The following SSRP1 variants were observed in gnomAD, a reference collection of about 807,000 sequenced individuals.
SSRP1 encodes the protein structure specific recognition protein 1.
SSRP1 carries 21 observed loss-of-function variants against 84.4 expected under a neutral mutation model. That is an observed-to-expected ratio of 0.25 (90% CI 0.18 to 0.36). The LOEUF is 0.36. SSRP1 is among the 10% of genes least tolerant of loss of function. The probability of loss-of-function intolerance (pLI) is 1.00; values close to 1 mark genes in which losing one functional copy is unlikely to be tolerated. For missense variants in SSRP1, 519 were observed against 900.8 expected, an observed-to-expected ratio of 0.58 and a Z score of 5.43; for synonymous variants, 319 against 318.3, an observed-to-expected ratio of 1.00 and a Z score of -0.02.
At chr11:57,327,967 G>A (rs1359293409) in intron 13 of SSRP1, 85 bp from the exon 14 acceptor site, 14 of 1,506,188 alleles carry the variant, frequency 9.3e-6, no homozygotes, top group Non-Finnish European at 1.3e-5. Context: ...ACTTAACTTG[G>A]AGAAAAAGTG....
At position 57,330,544 on chromosome 11, in the gene SSRP1, G is replaced by A. The variant is rs1856068181; in HGVS notation, c.1297-115C>T. Reference sequence around the variant, plus strand: ...CAGAGCAGCAGCTCCCAGAAGACCTGGGGCTGGATTGTCCACACACAGCCA... The same window carrying A: ...CAGAGCAGCAGCTCCCAGAAGACCTAGGGCTGGATTGTCCACACACAGCCA... On this transcript the variant is annotated intron_variant, in intron 10 of 16. Transcript: ENST00000278412. The surrounding 1 kb of genome is among the most constrained non-coding windows in gnomAD (Gnocchi z 4.0). 1.3e-6 allele frequency: 2 copies of A among 1,502,804 alleles called. No homozygotes were observed. The highest frequency in any genetic ancestry group is 8.9e-7 in the Non-Finnish European group (1 of 1,126,198). The allele number at this position is 1,502,804 out of a possible 1,614,324, so 93.1% of individuals were successfully genotyped here. A position where few individuals can be genotyped will look rare whatever the true frequency, so the allele number is the denominator to read the frequency against.
At position 57,330,692 on chromosome 11, in the gene SSRP1, AG is replaced by A; in HGVS notation, c.1296+162del. 6.8e-7 allele frequency: 1 copy of A among 1,479,226 alleles called. No homozygotes were observed. The highest frequency in any genetic ancestry group is 8.9e-7 in the Non-Finnish European group (1 of 1,118,980). 91.6% of individuals were successfully genotyped at this position (1,479,226 alleles called of 1,614,324 possible). ...TGCATAGACTGGTCTAAGGTCATGC[AG>A]AGGAAACCTGCACCAGGAGGGGGAA... On this transcript the variant is annotated intron_variant, in intron 10 of 16. Transcript: ENST00000278412. The surrounding 1 kb of genome is among the most constrained non-coding windows in gnomAD (Gnocchi z 4.0).
chr11:57,333,554 G>A lies in SSRP1; in HGVS notation c.241-14C>T, dbSNP rs747471505. The stretch of plus-strand genomic sequence containing the variant: ...TTTCTCAAACTCCTGTGGGTGGAGG[G>A]AAGAAAGCACAATCCCAGTAAACCT... On this transcript the variant is annotated splice_polypyrimidine_tract_variant and intron_variant, in intron 3 of 16. Coordinates refer to ENST00000278412, the MANE Select transcript of SSRP1 (RefSeq NM_003146.3). 2 of 1,595,676 alleles carry A rather than the reference G, an allele frequency of 1.3e-6. No individual in the cohort carries two copies. Among genetic ancestry groups the A allele is most frequent in the Non-Finnish European group, 1.7e-6 (2 of 1,163,732 alleles).
In SSRP1 at chr11:57,328,438, C is replaced by T; in HGVS notation, c.1482-12G>A. On this transcript the variant is annotated splice_polypyrimidine_tract_variant and intron_variant, in intron 12 of 16. Coordinates refer to ENST00000278412, the MANE Select transcript of SSRP1 (RefSeq NM_003146.3). ...CGTTGCTGTCAAACCTGCCAGAGAA[C>T]AAGCCAGGCTTAGACTTGAGGAGGG... 6.2e-7 allele frequency: 1 copy of T among 1,613,970 alleles called. No individual in the cohort carries two copies.
chr11:57,327,926 C>T, intron 13 of SSRP1, 44 bp from the exon 14 acceptor site: 3 of 1,589,874 alleles, frequency 1.9e-6, no homozygotes. Flanking sequence ...CCACAGAACC[C>T]ATACATTTTC....
At chr11:57,329,905 A>G in intron 12 of SSRP1, 188 bp downstream of exon 12, 1 of 716,668 alleles carries the variant, frequency 1.4e-6, no homozygotes, top group Non-Finnish European at 2.3e-6. Context: ...TCCGACTTCA[A>G]AATATGTCTT....
intron 4 of SSRP1, 95 bp downstream of exon 4, chr11:57,333,340 G>C (rs1590610783): frequency 1.6e-6 from 2 of 1,222,810 alleles, no homozygotes; most frequent in African/African-American, 1.5e-5. Flanking sequence ...TAGGAAACCA[G>C]AGACAGTGGC....
At position 57,326,416 on chromosome 11, in the gene SSRP1, G is replaced by C. The variant is rs571767759; in HGVS notation, c.2121C>G (p.Ser707=). ...PPSSEDSASG[S]DE is the part of the protein sequence containing the mutation. The stretch of plus-strand genomic sequence containing the variant: ...GAACCTTCCTCCGTTTCTACTCATC[G>C]GATCCTGACGCTGAGTCCTCTGAGC... Residue 707 remains serine (S), a synonymous_variant, in exon 17 of 17, where the codon TCC becomes TCG. Transcript: ENST00000278412. The C allele has an allele frequency of 2.5e-6, 4 of 1,614,148 alleles. No individual in the cohort carries two copies. Among genetic ancestry groups the C allele is most frequent in the Admixed American group, 1.7e-5 (1 of 60,032 alleles).
In SSRP1 at chr11:57,327,711, CCT is replaced by C. The variant is rs1207936690; in HGVS notation, c.1781_1782del (p.Glu594GlyfsTer7). 6.2e-7 allele frequency: 1 copy of C among 1,613,902 alleles called. No individual in the cohort carries two copies. Among genetic ancestry groups the C allele is most frequent in the African/African-American group, 1.3e-5 (1 of 74,920 alleles). On this transcript the variant is annotated frameshift_variant and splice_region_variant, in exon 14 of 17. Coordinates refer to ENST00000278412, the MANE Select transcript of SSRP1 (RefSeq NM_003146.3). LOFTEE classifies it high-confidence loss of function. Reference sequence around the variant, plus strand: ...ATCACCCCTCCTCTGCTGCTACTCACCTCTTTCTTCTCTTTGGACATTCCCTT... The same window carrying C: ...ATCACCCCTCCTCTGCTGCTACTCACCTTTCTTCTCTTTGGACATTCCCTT... ...IWKGMSKEKK[E>X]EWDRKAEDAR... is the part of the protein sequence containing the mutation.
In SSRP1 at chr11:57,334,643, A is replaced by G; in HGVS notation, c.60T>C (p.Asp20=). Residue 20 remains aspartate, a synonymous_variant, in exon 3 of 17, where the codon GAT becomes GAC. Transcript: ENST00000278412. ...VYQEVKGSMN[D]GRLRLSRQGI... ...CCTGACGGCTCAACCTCAGTCGACC[A>G]TCATTCTGTAAGAAAAGCAGGCCCA... 4 of 1,614,072 alleles carry G rather than the reference A, an allele frequency of 2.5e-6. No individual in the cohort carries two copies. Among genetic ancestry groups the G allele is most frequent in the Non-Finnish European group, 3.4e-6 (4 of 1,180,026 alleles).
Position 57,335,278 on chromosome 11 carries a change from G to C in SSRP1, c.-119-38C>G. 1 of 737,974 alleles carries C rather than the reference G, an allele frequency of 1.4e-6. No homozygotes were observed. 45.7% of individuals were successfully genotyped at this position (737,974 alleles called of 1,614,324 possible). A position where few individuals can be genotyped will look rare whatever the true frequency, so the allele number is the denominator to read the frequency against. ...GGAAGACAGATAAGCATGAAAGACA[G>C]CACCTCGCTGTGCTCACGGATGGAG... On this transcript the variant is annotated intron_variant, in intron 1 of 16. Transcript: ENST00000278412. The surrounding 1 kb of genome is among the most constrained non-coding windows in gnomAD (Gnocchi z 4.6).
chr11:57,333,424 C>G lies in SSRP1; in HGVS notation c.346+11G>C. On this transcript the variant is annotated intron_variant, in intron 4 of 16. Transcript: ENST00000278412. ...CTTCCTCCCCAAACCTCAGTCTTCC[C>G]CAGGACTCACCACCAAATTTCACTG... 6.2e-7 allele frequency: 1 copy of G among 1,611,458 alleles called. No homozygotes were observed. Among genetic ancestry groups the G allele is most frequent in the Non-Finnish European group, 8.5e-7 (1 of 1,177,740 alleles).
chr11:57,332,096 G>A lies in SSRP1; in HGVS notation c.1001+56C>T. On this transcript the variant is annotated intron_variant, in intron 8 of 16. Transcript: ENST00000278412. This position sits in a 1 kb window ranked among gnomAD's most constrained non-coding sequence, Gnocchi z 5.5. ...CCCATCTCAGGAAGGGTTTACCAAG[G>A]AGACACGGCATTTCCCATACCCAGG... 1 of 1,610,170 alleles carries A rather than the reference G, an allele frequency of 6.2e-7. No homozygotes were observed. Among genetic ancestry groups the A allele is most frequent in the Non-Finnish European group, 8.5e-7 (1 of 1,179,052 alleles).
In SSRP1 at chr11:57,335,133, C is replaced by A. The variant is rs1430144185; in HGVS notation, c.-12G>T. ...AGTGTCTCTGCCATGTCGACCCCTG[C>A]CTGTGGTGGCCTGGGCAGAGCCCCA... On this transcript the variant is annotated 5_prime_UTR_variant, in exon 2 of 17. Transcript: ENST00000278412. The surrounding 1 kb of genome is among the most constrained non-coding windows in gnomAD (Gnocchi z 4.6). 5 of 1,614,046 alleles carry A rather than the reference C, an allele frequency of 3.1e-6. No homozygotes were observed. The highest frequency in any genetic ancestry group is 2.7e-5 in the African/African-American group (2 of 75,054).
intron 2 of SSRP1, 148 bp from the exon 3 acceptor site, chr11:57,334,796 T>A: frequency 3.0e-6 from 3 of 1,000,810 alleles, no homozygotes; most frequent in Non-Finnish European, 4.4e-6. Flanking sequence ...GGAGTCTAGA[T>A]TCTAAACCAG....
chr11:57,333,662 T>C (rs561238156), intron 3 of SSRP1, 122 bp from the exon 4 acceptor site: 1 of 705,914 alleles, frequency 1.4e-6, no homozygotes, highest in South Asian at 1.8e-5. Context: ...AAGAAATCCA[T>C]GCTGACTTAG....
intron 4 of SSRP1, 114 bp from the exon 5 acceptor site, chr11:57,333,263 CTA>C: frequency 7.9e-7 from 1 of 1,272,954 alleles, no homozygotes; most frequent in Non-Finnish European, 1.1e-6. Context: ...TCTGTTTAGA[CTA>C]TAACCCCAAC....
At position 57,332,318 on chromosome 11, in the gene SSRP1, C is replaced by A; in HGVS notation, c.873-38G>T. On this transcript the variant is annotated intron_variant, in intron 7 of 16. Coordinates refer to ENST00000278412, the MANE Select transcript of SSRP1 (RefSeq NM_003146.3). The surrounding 1 kb of genome is among the most constrained non-coding windows in gnomAD (Gnocchi z 5.5). The stretch of plus-strand genomic sequence containing the variant: ...CAAGGTGAGGTCACAACACTACTGC[C>A]TTCTAATGGCACACCTGTCTCCTGC... 6.2e-7 allele frequency: 1 copy of A among 1,613,960 alleles called. No individual in the cohort carries two copies. Among genetic ancestry groups the A allele is most frequent in the Non-Finnish European group, 8.5e-7 (1 of 1,179,878 alleles).
chr11:57,330,509 C>G lies in SSRP1; in HGVS notation c.1297-80G>C. 6.4e-7 allele frequency: 1 copy of G among 1,574,606 alleles called. No homozygotes were observed. The highest frequency in any genetic ancestry group is 1.3e-5 in the African/African-American group (1 of 74,284). On this transcript the variant is annotated intron_variant, in intron 10 of 16. Coordinates refer to ENST00000278412, the MANE Select transcript of SSRP1 (RefSeq NM_003146.3). This position sits in a 1 kb window ranked among gnomAD's most constrained non-coding sequence, Gnocchi z 4.0. ...GCACACTCAAAAGCACACCCCCATG[C>G]CTGTCAAGTCAGAGCAGCAGCTCCC...
Sources: allele counts gnomAD v4.1 joint callset, GRCh38; gene constraint gnomAD v4.1.1; non-coding constraint Gnocchi (gnomAD v3.1); transcripts MANE v1.5; gene names NCBI Gene and HGNC (gene_info 2026-07-23, HGNC 2026-07-21).